The following FAM156A variants were observed in gnomAD, a reference collection of about 807,000 sequenced individuals.
The protein encoded by FAM156A is protein FAM156A/FAM156B.
At chrX:52,981,955 C>T (rs782806767) in intron 1 of FAM156A, among the ~76,000 whole-genome samples, 1 of 109,841 alleles carries the variant, frequency 9.1e-6, no homozygotes, top group East Asian at 2.9e-4. Flanking sequence ...TGTTAGAAAA[C>T]CAGTGTGTAC....
At chrX:52,978,848 G>A (rs928426649) in intron 1 of FAM156A, among the ~76,000 whole-genome samples, 1 of 111,710 alleles carries the variant, frequency 9.0e-6, no homozygotes, top group African/African-American at 3.3e-5. Flanking sequence ...CCTTCACAAA[G>A]GAGAAAGAAG....
chrX:52,989,480 G>A (rs1389071255), intron 1 of FAM156A, among the ~76,000 whole-genome samples: 1 of 112,220 alleles, frequency 8.9e-6, no homozygotes. Context: ...CATGTTGGGG[G>A]TATAATGATG....
At chrX:52,979,507 C>T (rs1461302048) in intron 1 of FAM156A, among the ~76,000 whole-genome samples, 3 of 111,120 alleles carry the variant, frequency 2.7e-5, no homozygotes, top group Admixed American at 9.6e-5. Flanking sequence ...AGTTCGTCTC[C>T]CCTCTCCTCC....
chrX:52,981,283 A>G (rs1556793362), intron 1 of FAM156A, among the ~76,000 whole-genome samples: 1 of 111,201 alleles, frequency 9.0e-6, no homozygotes, highest in African/African-American at 3.3e-5. Context: ...AAGATTGTGT[A>G]TGAACCTTTT....
intron 1 of FAM156A, among the ~76,000 whole-genome samples, chrX:52,982,321 A>T (rs1379252209): frequency 9.0e-6 from 1 of 110,782 alleles, no homozygotes; most frequent in African/African-American, 3.3e-5. Flanking sequence ...GGGCATGGTG[A>T]TGAGCACCTG....
chrX:52,994,916 G>A (rs1213282544), intron 1 of FAM156A, among the ~76,000 whole-genome samples: 5 of 111,121 alleles, frequency 4.5e-5, no homozygotes, highest in African/African-American at 1.6e-4. Context: ...GGAGTATGAG[G>A]CTGCAGTGAG....
chrX:52,975,591 C>T (rs1227315266), intron 1 of FAM156A, among the ~76,000 whole-genome samples: 8 of 112,108 alleles, frequency 7.1e-5, no homozygotes, highest in Admixed American at 9.4e-5. Flanking sequence ...ATGTGCCTCT[C>T]GCTTTGCACT....
chrX:52,975,523 T>G (rs1483132502), intron 1 of FAM156A, among the ~76,000 whole-genome samples: 1 of 112,143 alleles, frequency 8.9e-6, no homozygotes. Flanking sequence ...AATTCCTCTT[T>G]CAGGGAATGA....
intron 1 of FAM156A, among the ~76,000 whole-genome samples, chrX:52,989,968 T>C (rs1930578297): frequency 8.9e-6 from 1 of 111,920 alleles, no homozygotes; most frequent in South Asian, 3.7e-4. Context: ...AATTTTCCTT[T>C]AGCCATGGAA....
chrX:52,983,798 G>A (rs1242680412), intron 1 of FAM156A, among the ~76,000 whole-genome samples: 1 of 112,478 alleles, frequency 8.9e-6, no homozygotes, highest in East Asian at 2.8e-4. Flanking sequence ...CCAAGAGTTG[G>A]ATGTGTTCTT....
At chrX:52,977,370 A>G (rs1259467503) in intron 1 of FAM156A, among the ~76,000 whole-genome samples, 1 of 110,499 alleles carries the variant, frequency 9.0e-6, no homozygotes, top group Non-Finnish European at 1.9e-5. Flanking sequence ...ATCTGAATAA[A>G]TTGATACCAT....
At chrX:52,987,414 G>C (rs1387769419) in intron 1 of FAM156A, among the ~76,000 whole-genome samples, 1 of 111,597 alleles carries the variant, frequency 9.0e-6, no homozygotes, top group Non-Finnish European at 1.9e-5. Context: ...CTTGAGCCCA[G>C]AAGGTCGAGG....
chrX:52,976,561 CTT>C (rs1158353960), intron 1 of FAM156A, among the ~76,000 whole-genome samples: 1 of 112,279 alleles, frequency 8.9e-6, no homozygotes, highest in Non-Finnish European at 1.9e-5. Flanking sequence ...GAGAGCAACA[CTT>C]CAAATGTGGT....
intron 1 of FAM156A, among the ~76,000 whole-genome samples, chrX:52,975,990 C>T (rs1436012227): frequency 4.5e-5 from 5 of 111,392 alleles, no homozygotes; most frequent in Non-Finnish European, 9.4e-5. Context: ...CACCACCCTG[C>T]CTCCCCCACT....
intron 1 of FAM156A, among the ~76,000 whole-genome samples, chrX:52,990,997 A>G (rs782437798): frequency 8.1e-4 from 90 of 111,265 alleles, no homozygotes; most frequent in African/African-American, 2.8e-3. Flanking sequence ...GTTGACAGTC[A>G]CGGAGTTGGG....
chrX:52,977,619 A>C (rs1929585902), intron 1 of FAM156A, among the ~76,000 whole-genome samples: 1 of 110,179 alleles, frequency 9.1e-6, no homozygotes, highest in Non-Finnish European at 1.9e-5. Context: ...TTATTCTTGT[A>C]GAGACAAGGT....
At chrX:52,981,281 G>A (rs1929881544) in intron 1 of FAM156A, among the ~76,000 whole-genome samples, 1 of 111,230 alleles carries the variant, frequency 9.0e-6, no homozygotes, top group Non-Finnish European at 1.9e-5. Context: ...CTAAGATTGT[G>A]TATGAACCTT....
At chrX:52,975,570 C>T (rs1929406064) in intron 1 of FAM156A, among the ~76,000 whole-genome samples, 1 of 112,301 alleles carries the variant, frequency 8.9e-6, no homozygotes, top group African/African-American at 3.2e-5. Flanking sequence ...CTAATGACCA[C>T]AACAACCTAT....
intron 1 of FAM156A, among the ~76,000 whole-genome samples, chrX:52,980,851 T>TGTGTGTGTAG (rs1356126923): frequency 2.3e-5 from 1 of 43,954 alleles, no homozygotes; most frequent in Non-Finnish European, 4.5e-5. Context: ...TGTGTGTGTG[T>TGTGTGTGTAG]AGAGGGAGAG....
Sources: allele counts gnomAD v4.1 joint callset (sites outside exome capture counted in the v4.1 genomes callset), GRCh38; gene constraint gnomAD v4.1.1; transcripts MANE v1.5; gene names NCBI Gene and HGNC (gene_info 2026-07-23, HGNC 2026-07-21).